AGTR1: variants seen among roughly 807,000 people sequenced by gnomAD.
AGTR1 encodes angiotensin II receptor type 1.
Under a neutral mutation model 19.4 loss-of-function variants are expected in AGTR1, and 16 were observed. That is an observed-to-expected ratio of 0.82 (90% confidence interval 0.56 to 1.25). The LOEUF is 1.25. Ranked by LOEUF, AGTR1 falls within the 50% of genes most tolerant of loss-of-function variation. The pLI is 0.00. For missense variants in AGTR1, 373 were observed against 431.9 expected (o/e 0.86, Z 1.21); for synonymous variants, 153 against 154.9 (o/e 0.99, Z 0.09).
At position 148,721,079 on chromosome 3, in the gene AGTR1, A is replaced by G. The variant is rs145327663; in HGVS notation, c.-48+13052A>G. 1.9e-3 allele frequency among the ~76,000 whole-genome samples: 287 copies of G among 152,244 alleles called. 1 individual carries two copies. The highest frequency in any genetic ancestry group is 1.2e-3 in the East Asian group (6 of 5,184). ...ACGAGGTGAGTTGTCTGTTTGTCCT[A>G]TAAGGTTCAGAAAGGTAAAAGGGCA... On this transcript the variant is annotated intron_variant, in intron 2 of 2. Coordinates refer to ENST00000349243, the MANE Select transcript of AGTR1 (RefSeq NM_000685.5).
At chr3:148,740,805 A>G (rs1260427130) in intron 2 of AGTR1, among the ~76,000 whole-genome samples, 184 bp from the exon 3 acceptor site, 1 of 152,248 alleles carries the variant, frequency 6.6e-6, no homozygotes, top group East Asian at 1.9e-4. Flanking sequence ...ATTATGTTCT[A>G]AAATTTAAGT....
chr3:148,739,704 C>A (rs1435039361), intron 2 of AGTR1: 4 of 1,135,606 alleles, frequency 3.5e-6, no homozygotes, highest in Non-Finnish European at 4.4e-6. Context: ...AAAGTGAACA[C>A]TACTCTAAGA....
At chr3:148,725,481 C>T (rs12695895) in intron 2 of AGTR1, among the ~76,000 whole-genome samples, 46,058 of 151,922 alleles carry the variant, frequency 0.3, 9,224 homozygotes, top group African/African-American at 0.58. Flanking sequence ...AATTTTATGA[C>T]GCAATTTACT....
chr3:148,715,738 A>C (rs1713272446), intron 2 of AGTR1, among the ~76,000 whole-genome samples: 1 of 152,222 alleles, frequency 6.6e-6, no homozygotes, highest in African/African-American at 2.4e-5. Context: ...ATCTAAGTAA[A>C]TTGGTAATTA....
chr3:148,734,805 C>T (rs890157914), intron 2 of AGTR1, among the ~76,000 whole-genome samples: 5 of 152,224 alleles, frequency 3.3e-5, no homozygotes, highest in African/African-American at 7.2e-5. Context: ...CCAGGATTCC[C>T]GGTATAGAGG....
chr3:148,732,152 A>G (rs1353664589), intron 2 of AGTR1, among the ~76,000 whole-genome samples: 2 of 152,250 alleles, frequency 1.3e-5, no homozygotes, highest in Admixed American at 6.5e-5. Context: ...TCACAGGACC[A>G]TGTAATCTTG....
chr3:148,731,619 T>C (rs1391169284), intron 2 of AGTR1: 3 of 152,208 alleles, frequency 2.0e-5, no homozygotes, highest in African/African-American at 7.2e-5. Context: ...GTCCATGAAA[T>C]AGAGGTGAGA....
In AGTR1 at chr3:148,729,814, T is replaced by G. The variant is rs534567061; in HGVS notation, c.-47-11175T>G. Reference sequence around the variant, plus strand: ...AAATTATGTAATACTCAAAAGGAATTCTCAGAGCTGGCGAAACAGTCTGGT... The same window carrying G: ...AAATTATGTAATACTCAAAAGGAATGCTCAGAGCTGGCGAAACAGTCTGGT... On this transcript the variant is annotated intron_variant, in intron 2 of 2. Transcript: ENST00000349243. Among the ~76,000 whole-genome samples, 8 of 152,236 alleles carry G rather than the reference T, an allele frequency of 5.3e-5. No homozygotes were observed. The South Asian group carries it at 1.7e-3, about 32-fold the overall frequency.
intron 2 of AGTR1, chr3:148,739,671 C>T (rs1423418640): frequency 1.1e-6 from 1 of 876,040 alleles, no homozygotes; most frequent in Non-Finnish European, 1.5e-6. Flanking sequence ...AGTTGTATCC[C>T]TTGCACAGCA....
chr3:148,715,443 GA>G (rs1199065968), intron 2 of AGTR1, among the ~76,000 whole-genome samples: 1 of 152,084 alleles, frequency 6.6e-6, no homozygotes, highest in Non-Finnish European at 1.5e-5. Context: ...GGGAGCCAAG[GA>G]AAAGACAAGC....
intron 2 of AGTR1, chr3:148,739,670 C>A (rs1029720299): frequency 1.6e-5 from 13 of 837,966 alleles, no homozygotes; most frequent in Non-Finnish European, 3.2e-6. Context: ...GAGTTGTATC[C>A]CTTGCACAGC....
At chr3:148,708,681 A>T (rs1349383783) in intron 2 of AGTR1, among the ~76,000 whole-genome samples, 1 of 152,128 alleles carries the variant, frequency 6.6e-6, no homozygotes, top group Non-Finnish European at 1.5e-5. Flanking sequence ...GTTAGCCAGG[A>T]CTGTTTTGTC....
At chr3:148,735,594 AAAG>A (rs1714530643) in intron 2 of AGTR1, among the ~76,000 whole-genome samples, 1 of 152,204 alleles carries the variant, frequency 6.6e-6, no homozygotes, top group Non-Finnish European at 1.5e-5. Context: ...AAGGAAAATA[AAAG>A]AAGAAGTAGA....
intron 2 of AGTR1, among the ~76,000 whole-genome samples, chr3:148,724,230 C>T (rs898913358): frequency 1.3e-5 from 2 of 152,154 alleles, no homozygotes; most frequent in African/African-American, 4.8e-5. Flanking sequence ...GGAGGGCCCT[C>T]CATTCACCAC....
intron 2 of AGTR1, among the ~76,000 whole-genome samples, chr3:148,732,286 A>G (rs1298240839): frequency 6.6e-6 from 1 of 152,260 alleles, no homozygotes; most frequent in African/African-American, 2.4e-5. Flanking sequence ...GCCTTTGGCC[A>G]TAAATGGAAT....
At chr3:148,723,130 T>G (rs1163616638) in intron 2 of AGTR1, among the ~76,000 whole-genome samples, 1 of 152,216 alleles carries the variant, frequency 6.6e-6, no homozygotes, top group African/African-American at 2.4e-5. Flanking sequence ...CCTGTGTAAC[T>G]CCCTCAGTCA....
At chr3:148,724,246 C>T (rs930340255) in intron 2 of AGTR1, among the ~76,000 whole-genome samples, 1 of 152,156 alleles carries the variant, frequency 6.6e-6, no homozygotes, top group African/African-American at 2.4e-5. Context: ...ACCACCATGT[C>T]CACTTCACCT....
intron 1 of AGTR1, among the ~76,000 whole-genome samples, chr3:148,699,717 A>G (rs1341219857): frequency 2.6e-5 from 4 of 152,206 alleles, no homozygotes; most frequent in African/African-American, 9.7e-5. Context: ...TAGGTTATAG[A>G]AACTGCCCAT....
At chr3:148,738,918 G>A (rs991355398) in intron 2 of AGTR1, among the ~76,000 whole-genome samples, 4 of 152,244 alleles carry the variant, frequency 2.6e-5, no homozygotes, top group Admixed American at 1.3e-4. Flanking sequence ...TCATTCATGA[G>A]ACATTTATCA....
Sources: gnomAD v4.1 joint callset for allele counts (sites outside exome capture counted in the v4.1 genomes callset) on GRCh38, gnomAD v4.1.1 for gene constraint, MANE v1.5 for transcripts, NCBI Gene and HGNC (gene_info 2026-07-23, HGNC 2026-07-21) for gene names.